KMT2E: variants seen among roughly 807,000 people sequenced by gnomAD.
KMT2E encodes the protein histone reader KMT2E.
A neutral mutation model predicts 184.6 loss-of-function variants in KMT2E; 30 were observed. The ratio of observed to expected loss-of-function variants is 0.16; its 90% confidence interval spans 0.12 to 0.22. The LOEUF (loss-of-function observed/expected upper bound fraction) is 0.22, where lower values mean the gene tolerates loss of function less well. Ranked by LOEUF, KMT2E falls within the 10% of genes least tolerant of loss-of-function variation. KMT2E has a pLI of 1.00. For synonymous variants in KMT2E, 815 were observed against 776.5 expected, an observed-to-expected ratio of 1.05 and a Z score of -0.82; for missense variants, 2,023 against 2,237.4, an observed-to-expected ratio of 0.90 and a Z score of 1.93.
At chr7:105,063,287 T>C (rs1758163146) in intron 4 of KMT2E, 64 bp from the exon 5 acceptor site, 2 of 1,172,962 alleles carry the variant, frequency 1.7e-6, no homozygotes, top group Non-Finnish European at 2.4e-6. Context: ...TTATTTAAGT[T>C]GCTTGGTTTA....
intron 6 of KMT2E, 65 bp from the exon 7 acceptor site, chr7:105,073,554 T>G: frequency 1.0e-6 from 1 of 983,986 alleles, no homozygotes; most frequent in Non-Finnish European, 1.6e-6. Context: ...TTAAAAAGTT[T>G]ATCACATTTA....
At position 105,112,856 on chromosome 7, in the gene KMT2E, C is replaced by G; in HGVS notation, c.5100C>G (p.Leu1700=). 1.9e-6 allele frequency: 3 copies of G among 1,581,446 alleles called. No individual in the cohort carries two copies. The highest frequency in any genetic ancestry group is 2.6e-6 in the Non-Finnish European group (3 of 1,161,176). Residue 1700 remains leucine (L), a synonymous_variant, in exon 27 of 27, where the codon CTC becomes CTG. Transcript: ENST00000311117. Reference sequence around the variant, plus strand: ...CACCACCCCATCCATCCACAGGACTCCAAGGTCTACAAGCACAACACCAGC... The same window carrying G: ...CACCACCCCATCCATCCACAGGACTGCAAGGTCTACAAGCACAACACCAGC... ...HHPPPHPSTG[L]QGLQAQHQHV...
intron 6 of KMT2E, 24 bp downstream of exon 6, chr7:105,066,831 A>G (rs1474953157): frequency 5.4e-6 from 8 of 1,469,932 alleles, no homozygotes; most frequent in Admixed American, 5.0e-5. Flanking sequence ...ATCTGATAAC[A>G]TTGCCAGTAA....
In KMT2E at chr7:105,106,642, T is replaced by C. The variant is rs763716947; in HGVS notation, c.2717T>C (p.Met906Thr). 2.5e-6 allele frequency: 4 copies of C among 1,614,164 alleles called. No homozygotes were observed. In the South Asian group the frequency reaches 3.3e-5, roughly 13 times the overall value. ...CCAACTCACACCGATATTACTCCTA[T>C]GGACCCATCTTTTGCCACGCCTCCA... ...ATPTHTDITPMDPSFATPPRI... is the reference protein window; with the variant it reads ...ATPTHTDITPTDPSFATPPRI... The change falls in exon 20 of 27, where the codon ATG becomes ACG. Residue 906 changes from methionine (M) to threonine (T), a missense_variant. Met to Thr is a moderately conservative substitution (Grantham distance 81, BLOSUM62 -1). Coordinates refer to ENST00000311117, the MANE Select transcript of KMT2E (RefSeq NM_182931.3).
At chr7:105,095,906 G>A (rs1012116235) in intron 15 of KMT2E, among the ~76,000 whole-genome samples, 2 of 152,148 alleles carry the variant, frequency 1.3e-5, no homozygotes, top group Non-Finnish European at 2.9e-5. Flanking sequence ...GGGTATACCT[G>A]TAGCTTAAAG....
intron 23 of KMT2E, among the ~76,000 whole-genome samples, chr7:105,109,623 T>C (rs1799096463): frequency 6.6e-6 from 1 of 152,204 alleles, no homozygotes; most frequent in Non-Finnish European, 1.5e-5. Flanking sequence ...ACTTTGCTCC[T>C]TGGTCCCCTT....
At chr7:105,086,355 T>C (rs781677798) in intron 13 of KMT2E, among the ~76,000 whole-genome samples, 40 of 152,312 alleles carry the variant, frequency 2.6e-4, no homozygotes, top group Non-Finnish European at 5.0e-4. Flanking sequence ...TTGCCAGATG[T>C]GAGTGAATGT....
intron 5 of KMT2E, chr7:105,063,857 CAT>C: frequency 4.1e-6 from 2 of 485,210 alleles, no homozygotes; most frequent in Middle Eastern, 3.2e-4. Context: ...AGTACAAGTA[CAT>C]AAACATAGCA....
intron 7 of KMT2E, 147 bp downstream of exon 7, chr7:105,073,824 C>T (rs1378638627): frequency 4.0e-6 from 2 of 501,910 alleles, no homozygotes; most frequent in Non-Finnish European, 7.2e-6. Context: ...TATGCAATCT[C>T]TGGTATAGAT....
chr7:105,087,650 C>T (rs1156283919), intron 13 of KMT2E, among the ~76,000 whole-genome samples: 1 of 151,832 alleles, frequency 6.6e-6, no homozygotes, highest in Non-Finnish European at 1.5e-5. Context: ...TCTCCAACTC[C>T]CGAGCTCAGG....
chr7:105,101,645 T>C (rs1170902472), intron 16 of KMT2E, 56 bp downstream of exon 16: 1 of 1,340,294 alleles, frequency 7.5e-7, no homozygotes, highest in Non-Finnish European at 9.9e-7. Flanking sequence ...AAAATGTCTA[T>C]ACTTGCATTA....
intron 16 of KMT2E, 35 bp downstream of exon 16, chr7:105,101,624 C>T (rs763699098): frequency 2.1e-6 from 3 of 1,443,228 alleles, no homozygotes; most frequent in Middle Eastern, 2.0e-4. Flanking sequence ...TTTTCTTAAA[C>T]ACTTTAAAAT....
At chr7:105,064,183 T>C (rs1796939572) in intron 5 of KMT2E, 1 of 305,766 alleles carries the variant, frequency 3.3e-6, no homozygotes, top group Admixed American at 4.9e-5. Flanking sequence ...TTTTTTTTTT[T>C]TTTTTTTTTG....
intron 1 of KMT2E, among the ~76,000 whole-genome samples, chr7:105,017,250 A>T (rs181163082): frequency 3.3e-5 from 5 of 152,298 alleles, no homozygotes; most frequent in African/African-American, 1.2e-4. Context: ...CTTCATAGAG[A>T]CCTTGGTCAG....
chr7:105,102,748 T>C (rs1168157076), intron 17 of KMT2E: 3 of 153,672 alleles, frequency 2.0e-5, no homozygotes, highest in Non-Finnish European at 4.3e-5. Context: ...CCACTCTGAC[T>C]GGAGTACAGC....
rs1795993296 is a variant in KMT2E, at chr7:105,043,975, G to A, written c.71+2952G>A. Among the ~76,000 whole-genome samples the A allele has an allele frequency of 2.0e-5, 3 of 152,280 alleles. No individual in the cohort carries two copies. The South Asian group carries it at 6.2e-4, about 32-fold the overall frequency. ...TAGCTGGGCATGGCAGCGCATGCCT[G>A]TAGTCCCAGCTACTTGGGAGGCTGA... On this transcript the variant is annotated intron_variant, in intron 3 of 26. Transcript: ENST00000311117.
intron 17 of KMT2E, chr7:105,103,654 G>A (rs1798754525): frequency 6.6e-6 from 1 of 152,028 alleles, no homozygotes; most frequent in Admixed American, 6.6e-5. Flanking sequence ...CCTAGGAATG[G>A]AGTTCTATAT....
intron 8 of KMT2E, among the ~76,000 whole-genome samples, chr7:105,075,254 G>C (rs1247215134): frequency 1.3e-5 from 2 of 148,482 alleles, no homozygotes; most frequent in African/African-American, 5.0e-5. Context: ...TTATTTATTT[G>C]GATCTATATT....
intron 10 of KMT2E, 45 bp from the exon 11 acceptor site, chr7:105,077,258 A>C: frequency 6.2e-7 from 1 of 1,602,194 alleles, no homozygotes; most frequent in African/African-American, 1.3e-5. Flanking sequence ...AGTTAAACTG[A>C]AAACAAGCAA....
Sources: allele counts gnomAD v4.1 joint callset (sites outside exome capture counted in the v4.1 genomes callset), GRCh38; gene constraint gnomAD v4.1.1; transcripts MANE v1.5; gene names NCBI Gene and HGNC (gene_info 2026-07-23, HGNC 2026-07-21).